The following ADK variants were observed in gnomAD, a reference collection of about 807,000 sequenced individuals.
The protein encoded by ADK is adenosine kinase.
In ADK, 24 loss-of-function variants were observed where a neutral mutation model predicts 44.7. The ratio of observed to expected loss-of-function variants is 0.54; its 90% CI spans 0.39 to 0.76. ADK has a LOEUF of 0.76. ADK is among the 30% of genes least tolerant of loss of function. ADK has a pLI of 0.00. For synonymous variants in ADK, 128 were observed against 142.6 expected, an observed-to-expected ratio of 0.90 and a Z score of 0.73; for missense variants, 321 against 425.1, an observed-to-expected ratio of 0.76 and a Z score of 2.15.
intron 9 of ADK, among the ~76,000 whole-genome samples, chr10:74,610,616 C>T (rs1311965941): frequency 6.6e-6 from 1 of 151,866 alleles, no homozygotes; most frequent in Non-Finnish European, 1.5e-5. Context: ...AAAAATTAAA[C>T]ATAACCTAAA....
At chr10:74,559,780 C>G (rs567842539) in intron 7 of ADK, among the ~76,000 whole-genome samples, 2 of 151,286 alleles carry the variant, frequency 1.3e-5, no homozygotes, top group African/African-American at 4.8e-5. Context: ...ATATTTTCCT[C>G]TTCTCTTAAC....
chr10:74,365,067 AAT>A (rs1429433151), intron 4 of ADK, among the ~76,000 whole-genome samples: 1 of 152,204 alleles, frequency 6.6e-6, no homozygotes, highest in Non-Finnish European at 1.5e-5. Flanking sequence ...TTCAGTAATT[AAT>A]GTTAACATTT....
intron 4 of ADK, among the ~76,000 whole-genome samples, chr10:74,353,882 T>C (rs1361794836): frequency 6.6e-6 from 1 of 152,068 alleles, no homozygotes; most frequent in Non-Finnish European, 1.5e-5. Flanking sequence ...AAAAAAAAAC[T>C]TCAGTTTACT....
chr10:74,172,833 G>A (rs1157995697), intron 1 of ADK, among the ~76,000 whole-genome samples: 2 of 151,470 alleles, frequency 1.3e-5, no homozygotes, highest in Non-Finnish European at 2.9e-5. Flanking sequence ...TTGAACCCGG[G>A]AGGCAGAGGT....
chr10:74,543,860 T>C (rs1046436456), intron 7 of ADK, among the ~76,000 whole-genome samples: 10 of 152,132 alleles, frequency 6.6e-5, no homozygotes, highest in Non-Finnish European at 1.5e-4. Context: ...TTTATCTTTT[T>C]TTTTTCTTTT....
At chr10:74,403,591 T>C (rs1843794625) in intron 6 of ADK, among the ~76,000 whole-genome samples, 1 of 152,154 alleles carries the variant, frequency 6.6e-6, no homozygotes. Flanking sequence ...GCTAAGGCCA[T>C]TGGAAAAGCG....
Position 74,518,028 on chromosome 10 carries a change from C to G in ADK, c.556-7228C>G, listed in dbSNP as rs577055229. On this transcript the variant is annotated intron_variant, in intron 6 of 10. Transcript: ENST00000539909. ...TGTTGTAACTCATATTTGATCGACT[C>G]TGAGAACAAAATGTATTTTATACTT... Among the ~76,000 whole-genome samples, 3 of 152,296 alleles carry G rather than the reference C, an allele frequency of 2.0e-5. No individual in the cohort carries two copies. The East Asian group carries it at 5.8e-4, about 29-fold the overall frequency.
At chr10:74,286,562 A>C (rs550460592) in intron 3 of ADK, among the ~76,000 whole-genome samples, 1 of 152,322 alleles carries the variant, frequency 6.6e-6, no homozygotes, top group South Asian at 2.1e-4. Flanking sequence ...ATTTTTTGGC[A>C]GTTTCTGAAC....
At chr10:74,406,984 C>CTT (rs750726079) in intron 6 of ADK, among the ~76,000 whole-genome samples, 177 of 124,572 alleles carry the variant, frequency 1.4e-3, no homozygotes, top group African/African-American at 4.7e-3. Flanking sequence ...TGGCCTCTTT[C>CTT]TTTTTTTTTT....
chr10:74,653,226 C>A (rs751820871), intron 9 of ADK, among the ~76,000 whole-genome samples: 1 of 151,962 alleles, frequency 6.6e-6, no homozygotes. Flanking sequence ...CTGAGGTGGG[C>A]AGATCACTTG....
intron 4 of ADK, among the ~76,000 whole-genome samples, chr10:74,317,677 T>G (rs1423905240): frequency 1.3e-5 from 2 of 152,042 alleles, no homozygotes; most frequent in African/African-American, 4.8e-5. Context: ...TAACAAAATA[T>G]GGGACCAAAG....
intron 3 of ADK, among the ~76,000 whole-genome samples, chr10:74,271,329 A>C (rs1846420235): frequency 6.6e-6 from 1 of 152,080 alleles, no homozygotes; most frequent in African/African-American, 2.4e-5. Flanking sequence ...TAACTTATTT[A>C]CATTTTTATG....
intron 9 of ADK, among the ~76,000 whole-genome samples, chr10:74,664,022 T>C (rs1482559846): frequency 6.6e-6 from 1 of 152,208 alleles, no homozygotes; most frequent in Non-Finnish European, 1.5e-5. Context: ...TCCATAAAGC[T>C]GGAATGATAT....
At chr10:74,373,119 A>G (rs1281197402) in intron 4 of ADK, among the ~76,000 whole-genome samples, 9 of 150,284 alleles carry the variant, frequency 6.0e-5, no homozygotes, top group Admixed American at 3.9e-4. Flanking sequence ...GCCCATCCAT[A>G]TGGGAAAAAA....
intron 9 of ADK, among the ~76,000 whole-genome samples, chr10:74,602,105 C>CAAAAAA (rs58400071): frequency 1.3e-3 from 62 of 48,704 alleles, no homozygotes; most frequent in African/African-American, 1.9e-3. Flanking sequence ...ACCCTGTCTC[C>CAAAAAA]AAAAAAAAAA....
rs537350829 is a variant in ADK at position 74,343,884 on chromosome 10, A to G, written c.273+29139A>G. The stretch of plus-strand genomic sequence containing the variant: ...TTGGCCTCCCAAAATGCGAGATTAC[A>G]GGCGTGAGCAACCATGCCTGGCTGC... On this transcript the variant is annotated intron_variant, in intron 4 of 10. Coordinates refer to ENST00000539909, the MANE Select transcript of ADK (RefSeq NM_006721.4). 1.1e-4 allele frequency among the ~76,000 whole-genome samples: 16 copies of G among 152,282 alleles called. No individual in the cohort carries two copies. The East Asian group carries it at 1.5e-3, about 15-fold the overall frequency.
Position 74,151,331 on chromosome 10 carries a change from C to T in ADK, c.53C>T (p.Pro18Leu). The T allele has an allele frequency of 6.5e-7, 1 of 1,549,560 alleles. No homozygotes were observed. Among genetic ancestry groups the T allele is most frequent in the Non-Finnish European group, 8.7e-7 (1 of 1,146,796 alleles). The part of the protein sequence containing the change: ...PKPKKLKVEA[P>L]QALRENILFG... ...CCCAAAAAGCTGAAGGTGGAGGCGCCGCAAGCGCTGAGGTGAGCGCTGCCG... is the reference window on the plus strand; with the variant it reads ...CCCAAAAAGCTGAAGGTGGAGGCGCTGCAAGCGCTGAGGTGAGCGCTGCCG... Residue 18 changes from proline (P) to leucine (L), a missense_variant, in exon 1 of 11, where the codon CCG (proline) becomes CTG (leucine). Physicochemically the swap from Pro to Leu is moderately conservative, Grantham distance 98 (BLOSUM62 -3). Transcript: ENST00000539909.
chr10:74,312,914 C>CAAAAAAAA (rs56052959), intron 3 of ADK, among the ~76,000 whole-genome samples: 1,672 of 37,730 alleles, frequency 0.044, 410 homozygotes, highest in Middle Eastern at 0.1. Context: ...ATTCTGTCTC[C>CAAAAAAAA]AAAAAAAAAA....
chr10:74,311,180 A>G (rs1840421505), intron 3 of ADK, among the ~76,000 whole-genome samples: 1 of 152,186 alleles, frequency 6.6e-6, no homozygotes, highest in South Asian at 2.1e-4. Context: ...AATTTTGTTT[A>G]CACAAAAAGA....
Sources: allele counts gnomAD v4.1 joint callset (sites outside exome capture counted in the v4.1 genomes callset), GRCh38; gene constraint gnomAD v4.1.1; transcripts MANE v1.5; gene names NCBI Gene and HGNC (gene_info 2026-07-23, HGNC 2026-07-21).